The following CACNA1D variants were observed in gnomAD, a reference collection of about 807,000 sequenced individuals.
The protein encoded by CACNA1D is voltage-dependent L-type calcium channel subunit alpha-1D.
Under a neutral mutation model 257.1 loss-of-function variants are expected in CACNA1D, and 55 were observed. The observed-to-expected ratio is 0.21, with a 90% CI of 0.17 to 0.27. The LOEUF (loss-of-function observed/expected upper bound fraction) is 0.27, where lower values mean the gene tolerates loss of function less well. Ranked by LOEUF, CACNA1D falls within the 10% of genes least tolerant of loss-of-function variation. The pLI, the probability that CACNA1D is intolerant of heterozygous loss-of-function variation, is 1.00. For missense variants in CACNA1D, 1,876 were observed against 2,784.0 expected, an observed-to-expected ratio of 0.67 and a Z score of 7.34; for synonymous variants, 980 against 1,014.9, an observed-to-expected ratio of 0.97 and a Z score of 0.65.
chr3:53,531,605 C>T (rs2091953200), intron 3 of CACNA1D, among the ~76,000 whole-genome samples: 1 of 152,206 alleles, frequency 6.6e-6, no homozygotes. Context: ...CTGTTTCCTT[C>T]ACTTCCAGAC....
Position 53,810,142 on chromosome 3 carries a change from G to T in CACNA1D, c.6036G>T (p.Val2012=), listed in dbSNP as rs1157495468. The stretch of plus-strand genomic sequence containing the variant: ...AGCAGTCAGAGGCCCTGGACCAGGT[G>T]AACGGCAGCCTGCCGTCCCTGCACC... ...QVEQSEALDQ[V]NGSLPSLHRS... The change falls in exon 47 of 48, where the codon GTG becomes GTT. Residue 2012 remains valine, a synonymous_variant. Coordinates refer to ENST00000350061, the MANE Select transcript of CACNA1D (RefSeq NM_001128840.3). 1 of 1,614,000 alleles carries T rather than the reference G, an allele frequency of 6.2e-7. No individual in the cohort carries two copies. The highest frequency in any genetic ancestry group is 1.1e-5 in the South Asian group (1 of 91,084).
At position 53,810,224 on chromosome 3, in the gene CACNA1D, A is replaced by C; in HGVS notation, c.6118A>C (p.Ser2040Arg). ...DISYRTFTPA[S>R]LTVPSSFRNK... ...CTCCTACCGGACTTTCACACCAGCC[A>C]GCCTGACTGTCCCCAGCAGCTTCCG... The change falls in exon 47 of 48, where the codon AGC becomes CGC. Residue 2040 changes from serine to arginine, a missense_variant. Ser to Arg is a moderately radical substitution (Grantham distance 110). This residue lies in a region of CACNA1D where 491 missense variants were observed against 554.3 expected (regional missense o/e 0.89). Transcript: ENST00000350061. 6.2e-7 allele frequency: 1 copy of C among 1,614,032 alleles called. No individual in the cohort carries two copies. The highest frequency in any genetic ancestry group is 1.1e-5 in the South Asian group (1 of 91,088).
At chr3:53,648,574 T>C (rs760594844) in intron 3 of CACNA1D, among the ~76,000 whole-genome samples, 2 of 151,992 alleles carry the variant, frequency 1.3e-5, no homozygotes, top group Non-Finnish European at 2.9e-5. Context: ...CAAGCACTCC[T>C]CTGGGGGATA....
At chr3:53,541,710 T>C (rs1455132821) in intron 3 of CACNA1D, among the ~76,000 whole-genome samples, 1 of 152,210 alleles carries the variant, frequency 6.6e-6, no homozygotes, top group Non-Finnish European at 1.5e-5. Flanking sequence ...AGCACCTGTG[T>C]TCTGGGGAAT....
rs569850606 is a variant in CACNA1D at position 53,778,101 on chromosome 3, T to C, written c.4587+1145T>C. Among the ~76,000 whole-genome samples the C allele has an allele frequency of 4.7e-4, 72 of 152,282 alleles. 1 individual carries two copies. Among genetic ancestry groups the C allele is most frequent in the Non-Finnish European group, 8.5e-4 (58 of 68,012 alleles). On this transcript the variant is annotated intron_variant, in intron 37 of 47. Transcript: ENST00000350061. The stretch of plus-strand genomic sequence containing the variant: ...AAAGAAATCCCTTGAGCCAGACTCA[T>C]GTTCCCTGCCCTGAAAATCCAGAAA...
At chr3:53,569,902 G>C (rs1386425169) in intron 3 of CACNA1D, among the ~76,000 whole-genome samples, 1 of 152,148 alleles carries the variant, frequency 6.6e-6, no homozygotes, top group Non-Finnish European at 1.5e-5. Flanking sequence ...TTGGTTCATA[G>C]GGCTCTTGGG....
At chr3:53,777,742 G>C (rs1025622043) in intron 37 of CACNA1D, among the ~76,000 whole-genome samples, 2 of 152,186 alleles carry the variant, frequency 1.3e-5, no homozygotes, top group Non-Finnish European at 2.9e-5. Context: ...GATGGATGCA[G>C]ATCTCCCAGT....
rs2094234692 is a variant in CACNA1D, at chr3:53,664,068, A to G, written c.767-1592A>G. On this transcript the variant is annotated intron_variant, in intron 5 of 47. Transcript: ENST00000350061. The stretch of plus-strand genomic sequence containing the variant: ...GGCGTGAGCTACCTCACAAGGGCAG[A>G]AGTAATCATTTCTCATGTGCCTGTC... 3.9e-5 allele frequency among the ~76,000 whole-genome samples: 6 copies of G among 152,282 alleles called. No individual in the cohort carries two copies. The South Asian group carries it at 1.2e-3, about 32-fold the overall frequency.
chr3:53,787,795 A>G (rs570316252), intron 40 of CACNA1D, among the ~76,000 whole-genome samples: 1 of 152,314 alleles, frequency 6.6e-6, no homozygotes, highest in East Asian at 1.9e-4. Flanking sequence ...GGCAGGGCAA[A>G]GAGGGAGAAG....
chr3:53,727,249 A>G (rs2108743960), intron 15 of CACNA1D, among the ~76,000 whole-genome samples: 1 of 152,314 alleles, frequency 6.6e-6, no homozygotes, highest in Non-Finnish European at 1.5e-5. Context: ...GGAGCGTGAG[A>G]CAGCACACAT....
Position 53,560,853 on chromosome 3 carries a change from T to C in CACNA1D, c.483+59133T>C, listed in dbSNP as rs893317477. Among the ~76,000 whole-genome samples the C allele has an allele frequency of 3.9e-5, 6 of 152,246 alleles. No homozygotes were observed. In the South Asian group the frequency reaches 1.0e-3, roughly 26 times the overall value. The stretch of plus-strand genomic sequence containing the variant: ...CTAATTTATGTCATGGATGGCTCTA[T>C]GGCCCTGATCAACAACTCCTCTTGA... On this transcript the variant is annotated intron_variant, in intron 3 of 47. Transcript: ENST00000350061.
rs377304772 is a variant in CACNA1D at position 53,719,736 on chromosome 3, C to T, written c.1479-19C>T. ...AGCCCTCGGAACCAGAATCTTAACA[C>T]TTTTTGTCTTTCTTTCAGTCAAGCC... On this transcript the variant is annotated intron_variant, in intron 10 of 47. Transcript: ENST00000350061. 5.9e-5 allele frequency: 95 copies of T among 1,612,508 alleles called. No individual in the cohort carries two copies. Among genetic ancestry groups the T allele is most frequent in the South Asian group, 5.2e-4 (47 of 91,050 alleles).
At chr3:53,648,458 CT>C (rs1454122926) in intron 3 of CACNA1D, among the ~76,000 whole-genome samples, 2 of 152,158 alleles carry the variant, frequency 1.3e-5, no homozygotes, top group Non-Finnish European at 2.9e-5. Context: ...CTTCCTGTAT[CT>C]TTCCCTCTAT....
At chr3:53,697,023 G>A (rs567153104) in intron 8 of CACNA1D, among the ~76,000 whole-genome samples, 1 of 152,326 alleles carries the variant, frequency 6.6e-6, no homozygotes, top group South Asian at 2.1e-4. Context: ...GAATGGGTGT[G>A]TGCAGACAGG....
intron 9 of CACNA1D, among the ~76,000 whole-genome samples, chr3:53,706,735 A>AC (rs1208401148): frequency 2.0e-5 from 3 of 152,060 alleles, no homozygotes; most frequent in Non-Finnish European, 2.9e-5. Flanking sequence ...TGTACATTAT[A>AC]CCCAGTAAGT....
chr3:53,619,699 C>A (rs538689986), intron 3 of CACNA1D, among the ~76,000 whole-genome samples: 6 of 152,320 alleles, frequency 3.9e-5, no homozygotes, highest in Admixed American at 3.3e-4. Context: ...CTCAGCAGAA[C>A]TTAACTGGCC....
In CACNA1D at chr3:53,805,086, C is replaced by A; in HGVS notation, c.5689C>A (p.Pro1897Thr). The A allele has an allele frequency of 6.2e-7, 1 of 1,614,064 alleles. No homozygotes were observed. Among genetic ancestry groups the A allele is most frequent in the Non-Finnish European group, 8.5e-7 (1 of 1,180,012 alleles). Residue 1897 changes from proline (P) to threonine (T), a missense_variant, in exon 45 of 48, where the codon CCC becomes ACC. Physicochemically the swap from Pro to Thr is conservative, Grantham distance 38. This residue lies in a region of CACNA1D where 491 missense variants were observed against 554.3 expected (regional missense o/e 0.89). Coordinates refer to ENST00000350061, the MANE Select transcript of CACNA1D (RefSeq NM_001128840.3). ...AGGATTCTTGGAGGACGATGACTCGCCCGTTTGCTATGATTCACGGAGATC... is the reference window on the plus strand; with the variant it reads ...AGGATTCTTGGAGGACGATGACTCGACCGTTTGCTATGATTCACGGAGATC... ...PQGFLEDDDSPVCYDSRRSPR... is the reference protein window; with the variant it reads ...PQGFLEDDDSTVCYDSRRSPR...
At chr3:53,734,689 A>G (rs558912699) in intron 19 of CACNA1D, among the ~76,000 whole-genome samples, 1 of 152,242 alleles carries the variant, frequency 6.6e-6, no homozygotes, top group African/African-American at 2.4e-5. Flanking sequence ...CTTGGTGAGA[A>G]CTCTCATGCC....
In CACNA1D at chr3:53,786,927, C is replaced by T. The variant is rs201969994; in HGVS notation, c.4898C>T (p.Ala1633Val). 2.2e-5 allele frequency: 35 copies of T among 1,614,028 alleles called. No individual in the cohort carries two copies. The highest frequency in any genetic ancestry group is 1.6e-4 in the East Asian group (7 of 44,886). Residue 1633 changes from alanine to valine, a missense_variant, in exon 40 of 48, where the codon GCG becomes GTG. Transcript: ENST00000350061. ...KEQGLVGKYP[A>V]KNTTIALQAG... ...CAAGGACTGGTGGGAAAGTACCCTG[C>T]GAAGAACACCACAATTGCCCTACAG... is the stretch of plus-strand genomic sequence containing the variant.
Sources: gnomAD v4.1 joint callset for allele counts (sites outside exome capture counted in the v4.1 genomes callset) on GRCh38, gnomAD v4.1.1 for gene constraint, gnomAD v4.1.1 regional missense constraint, MANE v1.5 for transcripts, NCBI Gene and HGNC (gene_info 2026-07-23, HGNC 2026-07-21) for gene names.